The following SP140L variants were observed in gnomAD, a reference collection of about 807,000 sequenced individuals.
The protein encoded by SP140L is nuclear body protein SP140-like protein.
In SP140L, 64 loss-of-function variants were observed where a neutral mutation model predicts 84.3. That is an observed-to-expected ratio of 0.76 (90% CI 0.62 to 0.94). The LOEUF is 0.94. SP140L is among the 40% of genes least tolerant of loss of function. The pLI, the probability that SP140L is intolerant of heterozygous loss-of-function variation, is 0.00. For synonymous variants in SP140L, 242 were observed against 236.9 expected, an observed-to-expected ratio of 1.02 and a Z score of -0.20; for missense variants, 628 against 692.5, an observed-to-expected ratio of 0.91 and a Z score of 1.05.
intron 5 of SP140L, among the ~76,000 whole-genome samples, chr2:230,362,234 A>G (rs1007407780): frequency 6.6e-6 from 1 of 152,118 alleles, no homozygotes; most frequent in African/African-American, 2.4e-5. Flanking sequence ...ATTAACATAA[A>G]CTCAGGTTTG....
intron 7 of SP140L, among the ~76,000 whole-genome samples, chr2:230,380,845 G>A (rs1256037974): frequency 6.6e-6 from 1 of 152,118 alleles, no homozygotes; most frequent in Non-Finnish European, 1.5e-5. Flanking sequence ...TCCATTGTCT[G>A]AATATACTGA....
chr2:230,360,177 G>T (rs2060672309), intron 4 of SP140L, among the ~76,000 whole-genome samples: 1 of 152,168 alleles, frequency 6.6e-6, no homozygotes, highest in African/African-American at 2.4e-5. Flanking sequence ...GCCCTGAAGA[G>T]GGTGGATGCT....
chr2:230,340,317 T>C (rs1260163995), intron 2 of SP140L, among the ~76,000 whole-genome samples: 1 of 147,516 alleles, frequency 6.8e-6, no homozygotes, highest in African/African-American at 2.5e-5. Context: ...TTGCAACCCC[T>C]GCCTTTTTTT....
chr2:230,333,876 T>G (rs1160576552), intron 2 of SP140L, among the ~76,000 whole-genome samples: 1 of 152,226 alleles, frequency 6.6e-6, no homozygotes, highest in African/African-American at 2.4e-5. Context: ...ATTTTTAATT[T>G]CCAAAAGCCC....
At chr2:230,402,667 A>C in intron 18 of SP140L, 131 bp from the exon 19 acceptor site, 1 of 693,092 alleles carries the variant, frequency 1.4e-6, no homozygotes, top group South Asian at 1.9e-5. Flanking sequence ...TCCAAAATAC[A>C]TACCATTATA....
chr2:230,344,862 C>T lies in SP140L; in HGVS notation c.108-12943C>T, dbSNP rs139493056. 3.1e-3 allele frequency among the ~76,000 whole-genome samples: 465 copies of T among 152,226 alleles called. 8 individuals are homozygous for T. In the East Asian group the frequency reaches 0.038, roughly 13 times the overall value. ...CTGAATTTCCTCCTGTTATGGATTT[C>T]GAGTTTCATACCACTGTGGTCAGAA... On this transcript the variant is annotated intron_variant, in intron 2 of 18. Transcript: ENST00000415673.
intron 8 of SP140L, among the ~76,000 whole-genome samples, chr2:230,384,208 A>T (rs542621005): frequency 6.6e-6 from 1 of 152,170 alleles, no homozygotes; most frequent in Non-Finnish European, 1.5e-5. Context: ...TTTATAATGA[A>T]AAAATGGTCT....
intron 9 of SP140L, among the ~76,000 whole-genome samples, chr2:230,387,172 T>C (rs539696955): frequency 6.6e-6 from 1 of 152,326 alleles, no homozygotes; most frequent in South Asian, 2.1e-4. Flanking sequence ...TTAACATGCG[T>C]CTTGGAGAAC....
chr2:230,365,347 A>G (rs1011256359), intron 5 of SP140L, among the ~76,000 whole-genome samples: 1 of 151,902 alleles, frequency 6.6e-6, no homozygotes. Context: ...TGGTCTGCTC[A>G]GGTTTTTATA....
intron 16 of SP140L, 120 bp downstream of exon 16, chr2:230,401,183 G>A: frequency 1.5e-6 from 1 of 645,926 alleles, no homozygotes; most frequent in Non-Finnish European, 2.7e-6. Flanking sequence ...CACTTCAATG[G>A]CACTGATAGA....
intron 2 of SP140L, among the ~76,000 whole-genome samples, chr2:230,336,157 C>T (rs966162613): frequency 6.6e-6 from 1 of 152,112 alleles, no homozygotes; most frequent in African/African-American, 2.4e-5. Flanking sequence ...GACATGGCAT[C>T]AGATGCATGA....
chr2:230,376,118 G>C (rs1433878851), intron 7 of SP140L, among the ~76,000 whole-genome samples: 1 of 152,056 alleles, frequency 6.6e-6, no homozygotes, highest in Non-Finnish European at 1.5e-5. Context: ...TCATTATTTT[G>C]CTTGTGGATA....
At chr2:230,346,829 G>C (rs539790334) in intron 2 of SP140L, among the ~76,000 whole-genome samples, 2 of 152,124 alleles carry the variant, frequency 1.3e-5, no homozygotes, top group Admixed American at 6.5e-5. Flanking sequence ...GTAGTTCACC[G>C]AACTTTTTAA....
At position 230,333,151 on chromosome 2, in the gene SP140L, G is replaced by A. The variant is rs1040738167; in HGVS notation, c.107+4320G>A. Among the ~76,000 whole-genome samples, 9 of 151,066 alleles carry A rather than the reference G, an allele frequency of 6.0e-5. No individual in the cohort carries two copies. In the East Asian group the frequency reaches 7.7e-4, roughly 13 times the overall value. On this transcript the variant is annotated intron_variant, in intron 2 of 18. Transcript: ENST00000415673. ...TTTTCAGCATTGCTAATAAGAAGTCGAATGCCATTCTGATTTTTTTTTTTT... is the reference window on the plus strand; with the variant it reads ...TTTTCAGCATTGCTAATAAGAAGTCAAATGCCATTCTGATTTTTTTTTTTT...
At chr2:230,376,541 A>G (rs765174817) in intron 7 of SP140L, among the ~76,000 whole-genome samples, 1 of 152,206 alleles carries the variant, frequency 6.6e-6, no homozygotes, top group East Asian at 1.9e-4. Context: ...ATATTTGCAC[A>G]CTGACAACTA....
chr2:230,340,935 C>T lies in SP140L; in HGVS notation c.107+12104C>T, dbSNP rs2060023001. Among the ~76,000 whole-genome samples the T allele has an allele frequency of 2.1e-5, 3 of 145,932 alleles. No individual in the cohort carries two copies. In the South Asian group the frequency reaches 6.7e-4, roughly 33 times the overall value. ...TGGCTGCCCTTAACATTTTTTCCTT[C>T]ATTTCAACTTTGGTGAATCTGACAA... On this transcript the variant is annotated intron_variant, in intron 2 of 18. Transcript: ENST00000415673.
intron 2 of SP140L, among the ~76,000 whole-genome samples, chr2:230,343,390 A>G (rs1328805673): frequency 6.8e-6 from 1 of 147,840 alleles, no homozygotes; most frequent in Non-Finnish European, 1.5e-5. Context: ...AATTCCATCC[A>G]TGTCCCTGCA....
intron 2 of SP140L, among the ~76,000 whole-genome samples, chr2:230,345,444 T>A (rs1416865573): frequency 1.3e-5 from 2 of 152,216 alleles, no homozygotes; most frequent in Non-Finnish European, 2.9e-5. Context: ...TTGTGGGGTT[T>A]TCATAATCCA....
intron 11 of SP140L, 37 bp from the exon 12 acceptor site, chr2:230,392,050 A>T: frequency 6.2e-7 from 1 of 1,612,672 alleles, no homozygotes; most frequent in East Asian, 2.2e-5. Context: ...CGCTGGGAAC[A>T]AAGAGGGCTC....
Sources: gnomAD v4.1 joint callset for allele counts (sites outside exome capture counted in the v4.1 genomes callset) on GRCh38, gnomAD v4.1.1 for gene constraint, MANE v1.5 for transcripts, NCBI Gene and HGNC (gene_info 2026-07-23, HGNC 2026-07-21) for gene names.